The following ZBTB41 variants were observed in gnomAD, a reference collection of about 807,000 sequenced individuals.
The protein encoded by ZBTB41 is zinc finger and BTB domain-containing protein 41.
ZBTB41 carries 42 observed loss-of-function variants against 87.6 expected under a neutral mutation model. The ratio of observed to expected loss-of-function variants is 0.48; its 90% CI spans 0.37 to 0.62. The LOEUF (loss-of-function observed/expected upper bound fraction) is 0.62. ZBTB41 is among the 20% of genes least tolerant of loss of function. The probability of loss-of-function intolerance (pLI) is 0.00; values close to 1 mark genes in which losing one functional copy is unlikely to be tolerated. For missense variants in ZBTB41, 799 were observed against 1,078.9 expected (o/e 0.74, Z 3.63); for synonymous variants, 364 against 364.0 (o/e 1.00, Z 0.00).
At chr1:197,176,479 A>G (rs1204073178) in intron 8 of ZBTB41, 85 bp downstream of exon 8, 5 of 937,632 alleles carry the variant, frequency 5.3e-6, no homozygotes, top group Non-Finnish European at 6.5e-6. Flanking sequence ...TTAAACTTAT[A>G]GCCAACATAA....
intron 5 of ZBTB41, among the ~76,000 whole-genome samples, chr1:197,185,874 A>C (rs1454775296): frequency 6.6e-6 from 1 of 152,222 alleles, no homozygotes; most frequent in African/African-American, 2.4e-5. Context: ...TCCCATGTTC[A>C]TGGAAAGAAA....
Position 197,154,603 on chromosome 1 carries a change from C to A in ZBTB41, c.*4756G>T, listed in dbSNP as rs1392865250. ...ACTTCCAAAGAGAAAGAGCAGAAAGCATGCTAAGATTATAGGGAAAAGGTA... is the reference window on the plus strand; with the variant it reads ...ACTTCCAAAGAGAAAGAGCAGAAAGAATGCTAAGATTATAGGGAAAAGGTA... On this transcript the variant is annotated 3_prime_UTR_variant, in exon 11 of 11. Coordinates refer to ENST00000367405, the MANE Select transcript of ZBTB41 (RefSeq NM_194314.3). 2 of 151,910 alleles carry A rather than the reference C, an allele frequency of 1.3e-5. No homozygotes were observed. The highest frequency in any genetic ancestry group is 4.1e-4 in the South Asian group (2 of 4,820). 9.4% of individuals were successfully genotyped at this position (151,910 alleles called of 1,614,324 possible).
At chr1:197,173,713 C>CTGGT (rs915476951) in intron 9 of ZBTB41, among the ~76,000 whole-genome samples, 10 of 152,100 alleles carry the variant, frequency 6.6e-5, no homozygotes, top group Non-Finnish European at 1.2e-4. Flanking sequence ...CAAAAGACTC[C>CTGGT]TAACCAGTAT....
chr1:197,177,523 C>T (rs1389184308), intron 7 of ZBTB41, among the ~76,000 whole-genome samples: 2 of 152,066 alleles, frequency 1.3e-5, no homozygotes, highest in African/African-American at 4.8e-5. Flanking sequence ...TAATTGTTAT[C>T]AACTACAAAC....
In ZBTB41 at chr1:197,199,715, T is replaced by C. The variant is rs184253751; in HGVS notation, c.759A>G (p.Ser253=). The C allele has an allele frequency of 5.5e-5, 88 of 1,613,684 alleles. No homozygotes were observed. In the East Asian group the frequency reaches 1.8e-3, roughly 34 times the overall value. Residue 253 remains serine (S), a synonymous_variant, in exon 2 of 11, where the codon TCA becomes TCG. Coordinates refer to ENST00000367405, the MANE Select transcript of ZBTB41 (RefSeq NM_194314.3). ...TAACAGGGCACTTCCGATTCCTTTT[T>C]GATCTTCTTGCGGAGAAACTTCTCT... is the stretch of plus-strand genomic sequence containing the variant. The part of the protein sequence containing the change: ...MLERSFSARR[S]KRNRKCPVKF...
chr1:197,163,636 A>AACACAC lies in ZBTB41; in HGVS notation c.2075-3628_2075-3623dup, dbSNP rs10640606. On this transcript the variant is annotated intron_variant, in intron 10 of 10. Coordinates refer to ENST00000367405, the MANE Select transcript of ZBTB41 (RefSeq NM_194314.3). ...ACACTATAAACCTCACAAAATACAA[A>AACACAC]ACACACACACACACACACACACAGA... Among the ~76,000 whole-genome samples the AACACAC allele has an allele frequency of 2.0e-3, 301 of 148,464 alleles. 3 individuals are homozygous for AACACAC. The highest frequency in any genetic ancestry group is 7.2e-3 in the African/African-American group (292 of 40,718).
Position 197,157,898 on chromosome 1 carries a change from CAGTTT to C in ZBTB41, c.*1456_*1460del. ...TTCACAAGGGCTGGGCTAGACTTTA[CAGTTT>C]ACACACACAAAAAAAGTGCTTAAAG... On this transcript the variant is annotated 3_prime_UTR_variant, in exon 11 of 11. Transcript: ENST00000367405. 1.2e-5 allele frequency: 1 copy of C among 80,632 alleles called. No individual in the cohort carries two copies. The highest frequency in any genetic ancestry group is 3.7e-5 in the African/African-American group (1 of 26,828). 5.0% of individuals were successfully genotyped at this position (80,632 alleles called of 1,614,324 possible). A position where few individuals can be genotyped will look rare whatever the true frequency, so the allele number is the denominator to read the frequency against.
chr1:197,176,524 A>G (rs1427475190), intron 8 of ZBTB41, 40 bp downstream of exon 8: 1 of 1,386,228 alleles, frequency 7.2e-7, no homozygotes, highest in Non-Finnish European at 1.0e-6. Context: ...TCAGGTATTT[A>G]AAAAGGATTT....
chr1:197,174,965 G>C (rs779811590), intron 9 of ZBTB41, 45 bp downstream of exon 9: 5 of 1,497,546 alleles, frequency 3.3e-6, no homozygotes, highest in Non-Finnish European at 4.6e-6. Context: ...TTTCCTCAGA[G>C]ACTTAGCCAA....
rs761286798 is a variant in ZBTB41 at position 197,176,627 on chromosome 1, C to T, written c.1816G>A (p.Asp606Asn). 6.5e-5 allele frequency: 104 copies of T among 1,611,802 alleles called. 1 individual carries two copies. The highest frequency in any genetic ancestry group is 7.4e-5 in the Non-Finnish European group (87 of 1,178,978). The stretch of plus-strand genomic sequence containing the variant: ...CGGATAAATGTTTTTCCACATTCAT[C>T]GCACTCATATCTTTTATCATCATGA... ...VHHDDKRYEC[D>N]ECGKTFIRHD... Residue 606 changes from aspartate to asparagine, a missense_variant, in exon 8 of 11, where the codon GAT (aspartate) becomes AAT (asparagine). By Grantham distance (23) the Asp-to-Asn change is conservative. Around this residue, in one of 5 missense-constraint regions of ZBTB41, gnomAD observed 198 missense variants for 358.4 expected, o/e 0.55. Coordinates refer to ENST00000367405, the MANE Select transcript of ZBTB41 (RefSeq NM_194314.3).
At chr1:197,181,595 G>A (rs887580183) in intron 5 of ZBTB41, among the ~76,000 whole-genome samples, 1 of 152,076 alleles carries the variant, frequency 6.6e-6, no homozygotes, top group Non-Finnish European at 1.5e-5. Flanking sequence ...TAAAAAACTG[G>A]AGACAAGACA....
At chr1:197,166,662 G>A (rs6701681) in intron 10 of ZBTB41, among the ~76,000 whole-genome samples, 113,967 of 151,284 alleles carry the variant, frequency 0.75, 47,393 homozygotes, top group East Asian at 0.98. Context: ...TGGCCAAGAT[G>A]GTGAAACCTC....
intron 10 of ZBTB41, among the ~76,000 whole-genome samples, chr1:197,166,270 CA>C (rs1221458311): frequency 1.3e-5 from 2 of 151,664 alleles, no homozygotes; most frequent in Non-Finnish European, 2.9e-5. Flanking sequence ...AATAAATCAA[CA>C]AAGAGAAAAA....
intron 10 of ZBTB41, among the ~76,000 whole-genome samples, chr1:197,160,653 T>A (rs1659179827): frequency 6.6e-6 from 1 of 152,112 alleles, no homozygotes; most frequent in South Asian, 2.1e-4. Context: ...TTTGTTTTGT[T>A]TTATATAAAA....
chr1:197,166,789 G>A (rs1190827402), intron 10 of ZBTB41, among the ~76,000 whole-genome samples: 5 of 152,138 alleles, frequency 3.3e-5, no homozygotes, highest in Non-Finnish European at 5.9e-5. Flanking sequence ...GGAGGTTGCG[G>A]TGAGCCAAGA....
intron 2 of ZBTB41, among the ~76,000 whole-genome samples, chr1:197,194,420 A>G (rs934085896): frequency 3.9e-5 from 6 of 152,196 alleles, no homozygotes; most frequent in African/African-American, 1.4e-4. Flanking sequence ...CTTTGCTGAA[A>G]AGATGTTAAA....
At chr1:197,166,825 C>T (rs956089034) in intron 10 of ZBTB41, among the ~76,000 whole-genome samples, 3 of 151,960 alleles carry the variant, frequency 2.0e-5, no homozygotes, top group East Asian at 1.9e-4. Flanking sequence ...CCAGTGTGGG[C>T]GACAGAGTGA....
rs562793958 is a variant in ZBTB41 at position 197,167,470 on chromosome 1, C to T, written c.2074+4690G>A. Reference sequence around the variant, plus strand: ...TCGACTTCCCAAAGCGCTGGGATTACAGGGGTTTGTGAGCCATCGCACCAA... The same window carrying T: ...TCGACTTCCCAAAGCGCTGGGATTATAGGGGTTTGTGAGCCATCGCACCAA... On this transcript the variant is annotated intron_variant, in intron 10 of 10. Coordinates refer to ENST00000367405, the MANE Select transcript of ZBTB41 (RefSeq NM_194314.3). Among the ~76,000 whole-genome samples the T allele has an allele frequency of 2.6e-4, 39 of 152,244 alleles. No homozygotes were observed. In the South Asian group the frequency reaches 7.3e-3, roughly 28 times the overall value.
chr1:197,178,111 A>G (rs1659656490), intron 7 of ZBTB41, among the ~76,000 whole-genome samples: 1 of 151,988 alleles, frequency 6.6e-6, no homozygotes, highest in Admixed American at 6.6e-5. Context: ...TAAAGAGTGG[A>G]GAAATACACT....
Sources: gnomAD v4.1 joint callset for allele counts (sites outside exome capture counted in the v4.1 genomes callset) on GRCh38, gnomAD v4.1.1 for gene constraint, gnomAD v4.1.1 regional missense constraint, MANE v1.5 for transcripts, NCBI Gene and HGNC (gene_info 2026-07-23, HGNC 2026-07-21) for gene names.